FRMPD3: variants seen among roughly 807,000 people sequenced by gnomAD.
FRMPD3 encodes FERM and PDZ domain containing 3.
FRMPD3 carries 42 observed loss-of-function variants against 97.9 expected under a neutral mutation model. The observed-to-expected ratio is 0.43, with a 90% CI of 0.34 to 0.55. The LOEUF is 0.55. FRMPD3 is among the 20% of genes least tolerant of loss of function. The pLI is 0.03. For missense variants in FRMPD3, 1,303 were observed against 1,457.7 expected (o/e 0.89, Z 1.73); for synonymous variants, 577 against 581.1 (o/e 0.99, Z 0.10).
At chrX:107,554,264 G>A in intron 7 of FRMPD3, 121 bp from the exon 8 acceptor site, 5 of 751,669 alleles carry the variant, frequency 6.7e-6, no homozygotes, top group Non-Finnish European at 9.6e-6. Context: ...AGACAGAGTA[G>A]GAAACAACAG....
intron 1 of FRMPD3, among the ~76,000 whole-genome samples, chrX:107,496,714 G>C (rs1340088140): frequency 1.8e-5 from 2 of 111,358 alleles, no homozygotes; most frequent in African/African-American, 6.5e-5. Context: ...CAGTTTCTCT[G>C]CAGTATTTCC....
intron 1 of FRMPD3, among the ~76,000 whole-genome samples, chrX:107,468,281 C>G (rs1310701462): frequency 8.9e-6 from 1 of 112,091 alleles, no homozygotes; most frequent in Non-Finnish European, 1.9e-5. Flanking sequence ...CCTTATGAAA[C>G]TTGTTCTCTA....
At chrX:107,580,374 T>G (rs1227912930) in intron 13 of FRMPD3, among the ~76,000 whole-genome samples, 1 of 111,707 alleles carries the variant, frequency 9.0e-6, no homozygotes, top group Non-Finnish European at 1.9e-5. Flanking sequence ...AGGAGGAGAT[T>G]TGGGATTCTT....
At chrX:107,560,220 C>T (rs747162737) in intron 8 of FRMPD3, 37 bp from the exon 9 acceptor site, 19 of 1,199,131 alleles carry the variant, frequency 1.6e-5, no homozygotes, top group Non-Finnish European at 2.1e-5. Context: ...AGGAATGTCT[C>T]CTTCAGCTGA....
Position 107,545,795 on chromosome X carries a change from T to C in FRMPD3, c.356T>C (p.Val119Ala), listed in dbSNP as rs753835809. The change falls in exon 5 of 15, where the codon GTG becomes GCG. Residue 119 changes from valine to alanine, a missense_variant. Val to Ala is a moderately conservative substitution (Grantham distance 64). Coordinates refer to ENST00000683843, the MANE Select transcript of FRMPD3 (RefSeq NM_001388459.1). ...AAGGCCAAGTTGAGGTCCAATCCTG[T>C]GAAGGTTCGATTTTCTGAGCAGGTG... ...AKKAKLRSNP[V>A]KVRFSEQVAV... is the part of the protein sequence containing the mutation. 18 of 1,208,646 alleles carry C rather than the reference T, an allele frequency of 1.5e-5. No individual in the cohort carries two copies. The highest frequency in any genetic ancestry group is 1.9e-5 in the Non-Finnish European group (17 of 894,823).
intron 1 of FRMPD3, among the ~76,000 whole-genome samples, chrX:107,466,709 C>T (rs1602751663): frequency 8.9e-6 from 1 of 112,158 alleles, no homozygotes; most frequent in East Asian, 2.8e-4. Context: ...GTGCATGGAG[C>T]AAGTCTGTAT....
chrX:107,557,614 A>G (rs2147591409), intron 8 of FRMPD3, among the ~76,000 whole-genome samples: 1 of 99,886 alleles, frequency 1.0e-5, no homozygotes, highest in Admixed American at 1.1e-4. Flanking sequence ...TAGGCCTATG[A>G]TCCATTTGAA....
intron 13 of FRMPD3, among the ~76,000 whole-genome samples, chrX:107,596,747 T>G (rs1197731289): frequency 8.9e-6 from 1 of 112,276 alleles, no homozygotes; most frequent in Non-Finnish European, 1.9e-5. Context: ...GCCTTATTCT[T>G]TTAGGATCCC....
chrX:107,536,800 T>A (rs1569418203), intron 4 of FRMPD3, among the ~76,000 whole-genome samples: 1 of 111,874 alleles, frequency 8.9e-6, no homozygotes, highest in Non-Finnish European at 1.9e-5. Flanking sequence ...TATATTTACA[T>A]GTTTATTGTC....
At chrX:107,556,397 A>T (rs1425630274) in intron 8 of FRMPD3, among the ~76,000 whole-genome samples, 1 of 110,852 alleles carries the variant, frequency 9.0e-6, no homozygotes, top group African/African-American at 3.3e-5. Context: ...GATCATGTCC[A>T]TCCTATCCTT....
At chrX:107,517,700 G>A (rs192558135) in intron 1 of FRMPD3, among the ~76,000 whole-genome samples, 2,755 of 106,690 alleles carry the variant, frequency 0.026, 92 homozygotes, top group African/African-American at 0.091. Context: ...GGTGGAGGTT[G>A]CAGTGAGCCG....
At chrX:107,593,438 C>T (rs191118660) in intron 13 of FRMPD3, among the ~76,000 whole-genome samples, 1 of 111,832 alleles carries the variant, frequency 8.9e-6, no homozygotes, top group African/African-American at 3.2e-5. Context: ...ATTGCTTTTG[C>T]TTTTGGGTTC....
intron 1 of FRMPD3, 23 bp from the exon 2 acceptor site, chrX:107,526,559 C>T (rs1710571267): frequency 8.5e-7 from 1 of 1,176,382 alleles, no homozygotes; most frequent in Non-Finnish European, 1.1e-6. Context: ...TCTTGTTTTG[C>T]TCCCACCTTC....
At position 107,600,525 on chromosome X, in the gene FRMPD3, C is replaced by A; in HGVS notation, c.2486C>A (p.Ala829Asp). 8.3e-7 allele frequency: 1 copy of A among 1,210,991 alleles called. No individual in the cohort carries two copies. Among genetic ancestry groups the A allele is most frequent in the African/African-American group, 1.7e-5 (1 of 57,883 alleles). The change falls in exon 15 of 15, where the codon GCC (alanine) becomes GAC (aspartate). Residue 829 changes from alanine (A) to aspartate (D), a missense_variant. By Grantham distance (126) the Ala-to-Asp change is moderately radical (BLOSUM62 -2). Transcript: ENST00000683843. ...TGTGCAGCCCAGGCCGTTCTTACGG[C>A]CCCTTACTCTCTTGGGCGCCCGGAT... ...QSCAAQAVLTAPYSLGRPDPN... is the reference protein window; with the variant it reads ...QSCAAQAVLTDPYSLGRPDPN...
chrX:107,520,408 G>A (rs937236821), intron 1 of FRMPD3, among the ~76,000 whole-genome samples: 1 of 110,322 alleles, frequency 9.1e-6, no homozygotes, highest in Admixed American at 9.6e-5. Flanking sequence ...GGGAGGCTGA[G>A]GCTGGCAGAT....
Position 107,601,578 on chromosome X carries a change from G to A in FRMPD3, c.3539G>A (p.Arg1180Gln), listed in dbSNP as rs749221282. Residue 1180 changes from arginine (R) to glutamine (Q), a missense_variant, in exon 15 of 15, where the codon CGG becomes CAG. By Grantham distance (43) the Arg-to-Gln change is conservative. Around this residue, in one of 3 missense-constraint regions of FRMPD3, gnomAD observed 764 missense variants for 820.2 expected, o/e 0.93. Transcript: ENST00000683843. Reference sequence around the variant, plus strand: ...CCACTGAGGTCTCAGGCTGCCAGCCGGCAGGTGAGCACCATGCCCTCTAGG... The same window carrying A: ...CCACTGAGGTCTCAGGCTGCCAGCCAGCAGGTGAGCACCATGCCCTCTAGG... ...QSPLRSQAASRQVSTMPSRKL... is the reference protein window; with the variant it reads ...QSPLRSQAASQQVSTMPSRKL... 135 of 1,202,758 alleles carry A rather than the reference G, an allele frequency of 1.1e-4. No homozygotes were observed. Among genetic ancestry groups the A allele is most frequent in the Non-Finnish European group, 3.4e-5 (30 of 892,212 alleles).
At chrX:107,457,978 C>T (rs765163515) in intron 1 of FRMPD3, among the ~76,000 whole-genome samples, 1 of 111,959 alleles carries the variant, frequency 8.9e-6, no homozygotes, top group South Asian at 3.8e-4. Flanking sequence ...ACTTAAGTAG[C>T]GTTATTGATT....
chrX:107,590,351 AAAAGAAAGAAAG>A (rs200194961), intron 13 of FRMPD3, among the ~76,000 whole-genome samples: 9 of 108,999 alleles, frequency 8.3e-5, no homozygotes, highest in Non-Finnish European at 3.8e-5. Context: ...GACTAAAAAG[AAAAGAAAGAAAG>A]AAAGAAAGAA....
chrX:107,540,583 C>T (rs1436919699), intron 4 of FRMPD3, among the ~76,000 whole-genome samples: 2 of 112,140 alleles, frequency 1.8e-5, no homozygotes, highest in Non-Finnish European at 3.8e-5. Context: ...TTCATATTTG[C>T]TTCAAGCAGC....
Sources: allele counts gnomAD v4.1 joint callset (sites outside exome capture counted in the v4.1 genomes callset), GRCh38; gene constraint gnomAD v4.1.1; regional missense constraint gnomAD v4.1.1; transcripts MANE v1.5; gene names NCBI Gene and HGNC (gene_info 2026-07-23, HGNC 2026-07-21).